Variants in PELI2 observed in about 807,000 individuals in gnomAD.
PELI2 encodes pellino E3 ubiquitin protein ligase family member 2, also known as E3 ubiquitin-protein ligase pellino homolog 2.
A neutral mutation model predicts 42.3 loss-of-function variants in PELI2; 23 were observed. That is an observed-to-expected ratio of 0.54 (90% CI 0.39 to 0.77). The LOEUF (loss-of-function observed/expected upper bound fraction) is 0.77. PELI2 is among the 30% of genes least tolerant of loss of function. PELI2 has a pLI of 0.00. For synonymous variants in PELI2, 245 were observed against 212.2 expected (o/e 1.15, Z -1.34); for missense variants, 463 against 553.2 (o/e 0.84, Z 1.64).
intron 2 of PELI2, among the ~76,000 whole-genome samples, chr14:56,244,443 C>T (rs577879811): frequency 7.2e-5 from 11 of 152,284 alleles, no homozygotes; most frequent in African/African-American, 2.4e-4. Flanking sequence ...GAGAAATGTT[C>T]AGTGACTTTC....
At chr14:56,136,137 A>G (rs907584466) in intron 1 of PELI2, among the ~76,000 whole-genome samples, 5 of 152,220 alleles carry the variant, frequency 3.3e-5, no homozygotes, top group East Asian at 3.8e-4. Flanking sequence ...ATCAAGTGTT[A>G]AAGGATGTTT....
intron 3 of PELI2, among the ~76,000 whole-genome samples, chr14:56,286,384 G>A (rs748820193): frequency 3.9e-5 from 6 of 152,194 alleles, no homozygotes; most frequent in Admixed American, 6.5e-5. Flanking sequence ...AGAAAAAGGT[G>A]AGGCCCTTCT....
rs1890157803 is a variant in PELI2 at position 56,301,078 on chromosome 14, T to G, written c.*3912T>G. 6.6e-6 allele frequency: 1 copy of G among 152,602 alleles called. No homozygotes were observed. Among genetic ancestry groups the G allele is most frequent in the African/African-American group, 2.4e-5 (1 of 41,466 alleles). 9.5% of individuals were successfully genotyped at this position (152,602 alleles called of 1,614,324 possible). ...GAAAGATGTTTCTTTTTAGCTGAGA[T>G]GACAGATTGCTTCTCTGTATTAAAT... On this transcript the variant is annotated 3_prime_UTR_variant, in exon 6 of 6. Transcript: ENST00000267460.
intron 1 of PELI2, among the ~76,000 whole-genome samples, chr14:56,151,550 C>T (rs369590068): frequency 6.6e-6 from 1 of 152,344 alleles, no homozygotes; most frequent in East Asian, 1.9e-4. Context: ...GACCTGATGT[C>T]ACAGTGTTTG....
chr14:56,217,240 C>G (rs1322548129), intron 2 of PELI2, among the ~76,000 whole-genome samples: 1 of 152,176 alleles, frequency 6.6e-6, no homozygotes, highest in Non-Finnish European at 1.5e-5. Context: ...GGATTTTGCC[C>G]AGATTCACGT....
intron 1 of PELI2, 28 bp downstream of exon 1, chr14:56,118,765 C>A: frequency 7.0e-7 from 1 of 1,431,488 alleles, no homozygotes. Flanking sequence ...TGGTCCCGGG[C>A]AGCGGCGCGG....
rs543599878 is a variant in PELI2 at position 56,135,372 on chromosome 14, C to T, written c.77+16635C>T. 7.2e-5 allele frequency among the ~76,000 whole-genome samples: 11 copies of T among 152,130 alleles called. No homozygotes were observed. In the South Asian group the frequency reaches 1.0e-3, roughly 14 times the overall value. On this transcript the variant is annotated intron_variant, in intron 1 of 5. Transcript: ENST00000267460. ...GACTGTCTTATGGTGAGTATCTGGC[C>T]GATTATTTTTTGCCTTGTAGATTTT...
chr14:56,142,779 A>G (rs1883964461), intron 1 of PELI2, among the ~76,000 whole-genome samples: 1 of 152,142 alleles, frequency 6.6e-6, no homozygotes, highest in Non-Finnish European at 1.5e-5. Context: ...AAAGATGAAA[A>G]AAACTACTGC....
intron 5 of PELI2, among the ~76,000 whole-genome samples, chr14:56,291,679 A>G (rs910521104): frequency 2.0e-5 from 3 of 152,244 alleles, no homozygotes; most frequent in African/African-American, 7.2e-5. Flanking sequence ...ATTCATCATT[A>G]TAACAGCAAG....
intron 2 of PELI2, among the ~76,000 whole-genome samples, chr14:56,217,510 C>T (rs1305417054): frequency 6.6e-6 from 1 of 152,216 alleles, no homozygotes; most frequent in Non-Finnish European, 1.5e-5. Flanking sequence ...CACCAGAGGT[C>T]CCCCGTCTGC....
At chr14:56,235,473 T>C (rs1887757374) in intron 2 of PELI2, among the ~76,000 whole-genome samples, 1 of 152,194 alleles carries the variant, frequency 6.6e-6, no homozygotes, top group South Asian at 2.1e-4. Context: ...TCTTCTACGC[T>C]AACGGGTGGC....
At chr14:56,276,231 C>A (rs1430244542) in intron 2 of PELI2, among the ~76,000 whole-genome samples, 2 of 152,198 alleles carry the variant, frequency 1.3e-5, no homozygotes, top group Non-Finnish European at 2.9e-5. Context: ...CCCTAACCAC[C>A]TAAATCTGAC....
chr14:56,232,821 C>T (rs1887637114), intron 2 of PELI2, among the ~76,000 whole-genome samples: 1 of 149,058 alleles, frequency 6.7e-6, no homozygotes, highest in Non-Finnish European at 1.5e-5. Context: ...GTCAAATTGT[C>T]CCTGTTTGCA....
chr14:56,274,349 G>C (rs1889215474), intron 2 of PELI2, among the ~76,000 whole-genome samples: 1 of 152,140 alleles, frequency 6.6e-6, no homozygotes, highest in African/African-American at 2.4e-5. Context: ...ATATTTTCTG[G>C]ATATGTGTTA....
chr14:56,234,930 C>G (rs1353962212), intron 2 of PELI2, among the ~76,000 whole-genome samples: 4 of 152,092 alleles, frequency 2.6e-5, no homozygotes, highest in Non-Finnish European at 5.9e-5. Context: ...TTGCCCAAAC[C>G]TGGTAACAGG....
intron 2 of PELI2, among the ~76,000 whole-genome samples, chr14:56,240,267 G>A (rs1332985430): frequency 6.6e-6 from 1 of 152,104 alleles, no homozygotes; most frequent in East Asian, 1.9e-4. Context: ...GGCTGTTAGG[G>A]TATCCTGGGG....
rs558559403 is a variant in PELI2, at chr14:56,249,261, A to C, written c.208-30415A>C. Among the ~76,000 whole-genome samples, 16 of 152,278 alleles carry C rather than the reference A, an allele frequency of 1.1e-4. No individual in the cohort carries two copies. In the East Asian group the frequency reaches 2.9e-3, roughly 28 times the overall value. On this transcript the variant is annotated intron_variant, in intron 2 of 5. Transcript: ENST00000267460. ...CAGGCAGGGATAGGGGTGGGAGAGA[A>C]GAAAAGTAAGGCCCTGTGCCCTGGG...
intron 2 of PELI2, among the ~76,000 whole-genome samples, chr14:56,260,699 C>G (rs543702776): frequency 7.9e-5 from 12 of 152,232 alleles, no homozygotes; most frequent in African/African-American, 2.9e-4. Flanking sequence ...ATTTGGTAAT[C>G]CTTGTGTGAG....
chr14:56,252,748 A>G (rs1439376331), intron 2 of PELI2, among the ~76,000 whole-genome samples: 1 of 152,216 alleles, frequency 6.6e-6, no homozygotes, highest in African/African-American at 2.4e-5. Flanking sequence ...CCAGGACCAG[A>G]TGGATTCACA....
Sources: gnomAD v4.1 joint callset for allele counts (sites outside exome capture counted in the v4.1 genomes callset) on GRCh38, gnomAD v4.1.1 for gene constraint, MANE v1.5 for transcripts, NCBI Gene and HGNC (gene_info 2026-07-23, HGNC 2026-07-21) for gene names.